SLC47A2: variants seen among roughly 807,000 people sequenced by gnomAD.
The protein encoded by SLC47A2 is solute carrier family 47 member 2.
In SLC47A2, 52 loss-of-function variants were observed where a neutral mutation model predicts 67.7. The observed-to-expected ratio is 0.77, with a 90% CI of 0.61 to 0.97. The LOEUF (loss-of-function observed/expected upper bound fraction) is 0.97. SLC47A2 is among the 50% of genes least tolerant of loss of function. SLC47A2 has a pLI of 0.00. For missense variants in SLC47A2, 676 were observed against 712.3 expected, an observed-to-expected ratio of 0.95 and a Z score of 0.58; for synonymous variants, 278 against 292.9, an observed-to-expected ratio of 0.95 and a Z score of 0.52.
In SLC47A2 at chr17:19,710,925, C is replaced by G. The variant is rs117882380; in HGVS notation, c.486+1778G>C. Among the ~76,000 whole-genome samples the G allele has an allele frequency of 5.8e-4, 88 of 152,084 alleles. No individual in the cohort carries two copies. The East Asian group carries it at 0.016, about 28-fold the overall frequency. On this transcript the variant is annotated intron_variant, in intron 5 of 16. Coordinates refer to ENST00000433844, the MANE Select transcript of SLC47A2 (RefSeq NM_001099646.3). The stretch of plus-strand genomic sequence containing the variant: ...TCCTGGGTTCAAGCAATCCTCCTGC[C>G]TCAGCCTCCGAGTAACTGGGATTTC...
upstream of SLC47A2, chr17:19,717,009 A>G (rs1888691335): frequency 6.3e-6 from 1 of 159,074 alleles, no homozygotes; most frequent in South Asian, 1.9e-4. Context: ...GCCTGCCCGA[A>G]GTCACAGAGC....
chr17:19,712,873 C>T (rs1409797545), intron 4 of SLC47A2, 128 bp from the exon 5 acceptor site: 6 of 854,838 alleles, frequency 7.0e-6, no homozygotes, highest in African/African-American at 6.7e-5. Flanking sequence ...ACTGTGAAAC[C>T]TCAGCATCAG....
At chr17:19,682,393 G>A (rs952455021) in intron 13 of SLC47A2, among the ~76,000 whole-genome samples, 3 of 151,524 alleles carry the variant, frequency 2.0e-5, no homozygotes, top group African/African-American at 7.3e-5. Flanking sequence ...TACAGTTCTG[G>A]AGGTTAGAAG....
At chr17:19,693,671 G>T (rs571648923) in intron 13 of SLC47A2, among the ~76,000 whole-genome samples, 8 of 151,948 alleles carry the variant, frequency 5.3e-5, no homozygotes, top group African/African-American at 1.7e-4. Flanking sequence ...GGAGTTGCGT[G>T]CCTGTAGTCC....
At chr17:19,713,746 G>C (rs1281729754) in intron 4 of SLC47A2, 79 bp downstream of exon 4, 1 of 1,545,858 alleles carries the variant, frequency 6.5e-7, no homozygotes, top group Admixed American at 1.8e-5. Context: ...GGGGTGTGAG[G>C]GCTGGGCATC....
chr17:19,701,460 T>C (rs971969647), intron 13 of SLC47A2, among the ~76,000 whole-genome samples: 4 of 152,128 alleles, frequency 2.6e-5, no homozygotes, highest in African/African-American at 4.8e-5. Flanking sequence ...TGTAATGAGT[T>C]GGTAATTATT....
chr17:19,695,264 A>G lies in SLC47A2; in HGVS notation c.1164+7341T>C, dbSNP rs1026300975. On this transcript the variant is annotated intron_variant, in intron 13 of 16. Coordinates refer to ENST00000433844, the MANE Select transcript of SLC47A2 (RefSeq NM_001099646.3). ...AAATTAGAATTATGTAAGGTAATGC[A>G]TATGTTAATTAGCTTGATTTAGCCA... 1.4e-4 allele frequency among the ~76,000 whole-genome samples: 22 copies of G among 152,166 alleles called. No homozygotes were observed. In the East Asian group the frequency reaches 1.5e-3, roughly 11 times the overall value.
At chr17:19,718,509 CA>C (rs2086307760), upstream of SLC47A2, 2 of 152,410 alleles carry the variant, frequency 1.3e-5, no homozygotes, top group African/African-American at 4.8e-5. Context: ...CTGCACAGGA[CA>C]AAGGTCGGGT....
chr17:19,711,161 G>A (rs2152359753), intron 5 of SLC47A2, among the ~76,000 whole-genome samples: 1 of 152,112 alleles, frequency 6.6e-6, no homozygotes, highest in African/African-American at 2.4e-5. Flanking sequence ...ACGACAAATT[G>A]GAAAATATTT....
Position 19,679,937 on chromosome 17 carries a change from CG to C in SLC47A2, c.1480+14del. ...TATATGTGTACCAAAGTAGAAGCAGCGGTGACAGTATTACCTGAAGATAGGA... is the reference window on the plus strand; with the variant it reads ...TATATGTGTACCAAAGTAGAAGCAGCGTGACAGTATTACCTGAAGATAGGA... On this transcript the variant is annotated intron_variant, in intron 16 of 16. Coordinates refer to ENST00000433844, the MANE Select transcript of SLC47A2 (RefSeq NM_001099646.3). The C allele has an allele frequency of 6.2e-7, 1 of 1,609,382 alleles. No homozygotes were observed. Among genetic ancestry groups the C allele is most frequent in the Non-Finnish European group, 8.5e-7 (1 of 1,177,744 alleles).
Position 19,690,256 on chromosome 17 carries a change from A to G in SLC47A2, c.1165-8586T>C, listed in dbSNP as rs868112389. ...AAGCTAGACCCCTATCTCTCACCGTATACAAAAATCAATTCAAAATGGACT... is the reference window on the plus strand; with the variant it reads ...AAGCTAGACCCCTATCTCTCACCGTGTACAAAAATCAATTCAAAATGGACT... On this transcript the variant is annotated intron_variant, in intron 13 of 16. Coordinates refer to ENST00000433844, the MANE Select transcript of SLC47A2 (RefSeq NM_001099646.3). Among the ~76,000 whole-genome samples the G allele has an allele frequency of 1.2e-4, 18 of 152,324 alleles. No homozygotes were observed. In the Middle Eastern group the frequency reaches 0.01, roughly 86 times the overall value.
At chr17:19,683,588 G>A (rs1472721390) in intron 13 of SLC47A2, among the ~76,000 whole-genome samples, 1 of 152,216 alleles carries the variant, frequency 6.6e-6, no homozygotes, top group Admixed American at 6.5e-5. Flanking sequence ...ACCAGAGGCT[G>A]TGCATATGGT....
chr17:19,683,347 T>C (rs937504322), intron 13 of SLC47A2, among the ~76,000 whole-genome samples: 13 of 152,172 alleles, frequency 8.5e-5, no homozygotes, highest in African/African-American at 3.1e-4. Context: ...TTATCTGGTC[T>C]AAAGTGCCAG....
At chr17:19,684,735 T>TA (rs1157384650) in intron 13 of SLC47A2, among the ~76,000 whole-genome samples, 21 of 151,356 alleles carry the variant, frequency 1.4e-4, no homozygotes, top group Non-Finnish European at 3.1e-4. Context: ...AATAAATAGA[T>TA]AAAAGATTAG....
intron 2 of SLC47A2, 130 bp downstream of exon 2, chr17:19,714,986 G>A: frequency 7.9e-7 from 1 of 1,272,684 alleles, no homozygotes. Flanking sequence ...CACCTGTGAA[G>A]GCAGCTGTCC....
intron 3 of SLC47A2, chr17:19,714,311 C>A: frequency 2.6e-6 from 1 of 390,130 alleles, no homozygotes; most frequent in East Asian, 4.7e-5. Flanking sequence ...CTTTGTGACC[C>A]CATGGCCACC....
chr17:19,700,793 C>T lies in SLC47A2; in HGVS notation c.1164+1812G>A, dbSNP rs147163843. 3.4e-3 allele frequency among the ~76,000 whole-genome samples: 513 copies of T among 148,868 alleles called. 3 individuals carry two copies. The highest frequency in any genetic ancestry group is 0.012 in the African/African-American group (496 of 40,336). Reference sequence around the variant, plus strand: ...AAAAAAAAAAAAAAGCAAAGCTATTCCTAGCTTTCAATTTCAAGAATGATT... The same window carrying T: ...AAAAAAAAAAAAAAGCAAAGCTATTTCTAGCTTTCAATTTCAAGAATGATT... On this transcript the variant is annotated intron_variant, in intron 13 of 16. Coordinates refer to ENST00000433844, the MANE Select transcript of SLC47A2 (RefSeq NM_001099646.3).
chr17:19,716,197 C>T (rs1319145896), intron 1 of SLC47A2: 3 of 570,928 alleles, frequency 5.3e-6, no homozygotes, highest in Non-Finnish European at 8.7e-6. Context: ...ACACCCACCC[C>T]TTCTGTGTGG....
intron 8 of SLC47A2, 94 bp downstream of exon 8, chr17:19,707,652 A>G (rs2085977025): frequency 2.8e-6 from 3 of 1,086,982 alleles, no homozygotes; most frequent in Non-Finnish European, 4.1e-6. Flanking sequence ...AACAGGCTCT[A>G]CTGCACCCTC....
Sources: allele counts gnomAD v4.1 joint callset (sites outside exome capture counted in the v4.1 genomes callset), GRCh38; gene constraint gnomAD v4.1.1; transcripts MANE v1.5; gene names NCBI Gene and HGNC (gene_info 2026-07-23, HGNC 2026-07-21).